Variants in KIF13B observed in about 807,000 individuals in gnomAD.
KIF13B encodes kinesin family member 13B, also known as kinesin-like protein KIF13B.
Under a neutral mutation model 222.0 loss-of-function variants are expected in KIF13B, and 127 were observed. That is an observed-to-expected ratio of 0.57 (90% confidence interval 0.50 to 0.66). KIF13B has a LOEUF of 0.66. Ranked by LOEUF, KIF13B falls within the 30% of genes least tolerant of loss-of-function variation. KIF13B has a pLI of 0.00. For missense variants in KIF13B, 2,173 were observed against 2,379.0 expected (o/e 0.91, Z 1.80); for synonymous variants, 976 against 919.0 (o/e 1.06, Z -1.12).
chr8:29,188,412 AAAC>A (rs528053648), intron 5 of KIF13B, 100 bp downstream of exon 5: 48 of 656,360 alleles, frequency 7.3e-5, no homozygotes, highest in South Asian at 5.3e-4. Context: ...CTGAAAGCAA[AAAC>A]AACAAGGAAT....
At chr8:29,201,196 G>C (rs1813677868) in intron 2 of KIF13B, among the ~76,000 whole-genome samples, 1 of 152,206 alleles carries the variant, frequency 6.6e-6, no homozygotes, top group Non-Finnish European at 1.5e-5. Flanking sequence ...AGCCCAGGTG[G>C]ATGACCATGG....
intron 2 of KIF13B, among the ~76,000 whole-genome samples, chr8:29,224,519 G>A (rs1020601520): frequency 1.3e-5 from 2 of 152,230 alleles, no homozygotes; most frequent in Non-Finnish European, 2.9e-5. Context: ...GAAAACAGCT[G>A]TGATTTGTAT....
At position 29,102,647 on chromosome 8, in the gene KIF13B, A is replaced by C. The variant is rs998954834; in HGVS notation, c.4216-3406T>G. Among the ~76,000 whole-genome samples the C allele has an allele frequency of 2.6e-5, 4 of 152,308 alleles. No individual in the cohort carries two copies. In the East Asian group the frequency reaches 5.8e-4, roughly 22 times the overall value. The stretch of plus-strand genomic sequence containing the variant: ...GGGAATGAGTCTGGTTTTGATCAGG[A>C]AAGTGACAAAAAGGTAAATAACGAG... On this transcript the variant is annotated intron_variant, in intron 35 of 39. Transcript: ENST00000524189.
intron 36 of KIF13B, among the ~76,000 whole-genome samples, chr8:29,098,170 C>CAA (rs147089450): frequency 0.015 from 445 of 30,286 alleles, 22 homozygotes; most frequent in African/African-American, 0.037. Flanking sequence ...GACTCCATCT[C>CAA]AAAAAAAAAA....
chr8:29,105,783 C>T (rs543250567), intron 35 of KIF13B, among the ~76,000 whole-genome samples: 76 of 149,222 alleles, frequency 5.1e-4, no homozygotes, highest in Middle Eastern at 3.6e-3. Context: ...CTCAGCCTTC[C>T]GAGTAGCTGG....
chr8:29,072,175 C>T lies in KIF13B; in HGVS notation c.4663G>A (p.Asp1555Asn), dbSNP rs747214816. The T allele has an allele frequency of 2.0e-5, 28 of 1,435,030 alleles. No individual in the cohort carries two copies. Among genetic ancestry groups the T allele is most frequent in the Non-Finnish European group, 2.5e-5 (27 of 1,094,646 alleles). The allele number at this position is 1,435,030 out of a possible 1,614,324, so 88.9% of individuals were successfully genotyped here. Residue 1555 changes from aspartate (D) to asparagine (N), a missense_variant, in exon 39 of 40, where the codon GAC (aspartate) becomes AAC (asparagine). Physicochemically the swap from Asp to Asn is conservative, Grantham distance 23. This residue lies in a region of KIF13B where 693 missense variants were observed against 656.2 expected (regional missense o/e 1.06). Coordinates refer to ENST00000524189, the MANE Select transcript of KIF13B (RefSeq NM_015254.4). ...TAVTPAPEAQDGPPSPLSEAS... is the reference protein window; with the variant it reads ...TAVTPAPEAQNGPPSPLSEAS... ...TCACTCAGGGGGCTGGGGGGCCCGT[C>T]CTGTGCCTCCGGAGCCGGGGTGACC... is the stretch of plus-strand genomic sequence containing the variant.
intron 22 of KIF13B, among the ~76,000 whole-genome samples, chr8:29,133,534 T>A (rs1002186608): frequency 6.6e-6 from 1 of 152,204 alleles, no homozygotes; most frequent in East Asian, 1.9e-4. Flanking sequence ...GGGGTTGCAG[T>A]GAGCCAAGAT....
At chr8:29,086,645 C>G (rs1287709236) in intron 37 of KIF13B, among the ~76,000 whole-genome samples, 1 of 152,162 alleles carries the variant, frequency 6.6e-6, no homozygotes, top group Admixed American at 6.5e-5. Flanking sequence ...ATCCCCAAAC[C>G]ATTCGGGGTG....
At chr8:29,200,644 T>G (rs28699286) in intron 2 of KIF13B, among the ~76,000 whole-genome samples, 20,246 of 152,150 alleles carry the variant, frequency 0.13, 1,490 homozygotes, top group South Asian at 0.15. Flanking sequence ...AAATAACCTA[T>G]AGACAACCTC....
rs1182061064 is a variant in KIF13B, at chr8:29,072,127, G to A, written c.4711C>T (p.His1571Tyr). Residue 1571 changes from histidine (H) to tyrosine (Y), a missense_variant, in exon 39 of 40, where the codon CAC becomes TAC. Transcript: ENST00000524189. ...GACAGGGTCGCGGTGGAGACGCTGT[G>A]GGAGAAGTACCCGCTAGAGGCTTCA... ...LSEASSGYFS[H>Y]SVSTATLSDA... 4.3e-6 allele frequency: 6 copies of A among 1,386,290 alleles called. No homozygotes were observed. The South Asian group carries it at 9.0e-5, about 21-fold the overall frequency. 85.9% of individuals were successfully genotyped at this position (1,386,290 alleles called of 1,614,324 possible).
chr8:29,256,811 G>A (rs1263209514), intron 1 of KIF13B, among the ~76,000 whole-genome samples: 4 of 152,212 alleles, frequency 2.6e-5, no homozygotes, highest in Non-Finnish European at 4.4e-5. Flanking sequence ...CTAGAGTGCA[G>A]TGGTGCGATT....
At chr8:29,236,952 T>C (rs1216171178) in intron 2 of KIF13B, among the ~76,000 whole-genome samples, 2 of 152,098 alleles carry the variant, frequency 1.3e-5, no homozygotes, top group Non-Finnish European at 2.9e-5. Flanking sequence ...TATAGATACA[T>C]CATGTAAAAA....
At chr8:29,219,622 T>C (rs1814651504) in intron 2 of KIF13B, 1 of 151,568 alleles carries the variant, frequency 6.6e-6, no homozygotes, top group Non-Finnish European at 1.5e-5. Flanking sequence ...TAGCCAAGCA[T>C]GGTGCCTATA....
At chr8:29,168,742 C>T (rs184370873) in intron 10 of KIF13B, among the ~76,000 whole-genome samples, 246 of 152,264 alleles carry the variant, frequency 1.6e-3, no homozygotes, top group African/African-American at 5.5e-3. Context: ...AGCCCCCCAT[C>T]CCCAACACTT....
intron 2 of KIF13B, among the ~76,000 whole-genome samples, chr8:29,244,186 T>C (rs1360061329): frequency 6.6e-6 from 1 of 151,946 alleles, no homozygotes; most frequent in Non-Finnish European, 1.5e-5. Flanking sequence ...GCTAATTTTT[T>C]GTATTTTTAG....
chr8:29,150,996 G>A (rs1234709645), intron 14 of KIF13B, among the ~76,000 whole-genome samples: 5 of 152,180 alleles, frequency 3.3e-5, no homozygotes, highest in Non-Finnish European at 5.9e-5. Flanking sequence ...AAGACAGGAC[G>A]AAAAGCCAGG....
chr8:29,097,833 AT>A (rs1808603896), intron 36 of KIF13B, among the ~76,000 whole-genome samples: 1 of 152,184 alleles, frequency 6.6e-6, no homozygotes, highest in Non-Finnish European at 1.5e-5. Context: ...CAGTATCAGA[AT>A]AAAAAGAAGG....
At chr8:29,154,065 C>T (rs1042358519) in intron 14 of KIF13B, among the ~76,000 whole-genome samples, 2 of 152,196 alleles carry the variant, frequency 1.3e-5, no homozygotes, top group Non-Finnish European at 2.9e-5. Context: ...TAATCCAGCA[C>T]TTTGTGAGGT....
rs953057000 is a variant in KIF13B at position 29,069,580 on chromosome 8, T to C, written c.*924A>G. On this transcript the variant is annotated 3_prime_UTR_variant, in exon 40 of 40. Coordinates refer to ENST00000524189, the MANE Select transcript of KIF13B (RefSeq NM_015254.4). ...ACTGTGGATCCGCAATAGAGGGATG[T>C]GAGGAGGGGGCTTTATCCTCTGCCG... 1.3e-5 allele frequency: 2 copies of C among 152,196 alleles called. No homozygotes were observed. The highest frequency in any genetic ancestry group is 1.5e-5 in the Non-Finnish European group (1 of 68,064). 9.4% of individuals were successfully genotyped at this position (152,196 alleles called of 1,614,324 possible).
Sources: gnomAD v4.1 joint callset for allele counts (sites outside exome capture counted in the v4.1 genomes callset) on GRCh38, gnomAD v4.1.1 for gene constraint, gnomAD v4.1.1 regional missense constraint, MANE v1.5 for transcripts, NCBI Gene and HGNC (gene_info 2026-07-23, HGNC 2026-07-21) for gene names.